PITPNM3: variants seen among roughly 807,000 people sequenced by gnomAD.
The protein encoded by PITPNM3 is PITPNM family member 3, also known as membrane-associated phosphatidylinositol transfer protein 3.
In PITPNM3, 26 loss-of-function variants were observed where a neutral mutation model predicts 102.0. The observed-to-expected ratio is 0.25, with a 90% CI of 0.19 to 0.35. The LOEUF is 0.35. Among genes scored for constraint, PITPNM3 ranks in the 10% least tolerant of loss-of-function variants. The pLI is 1.00. For synonymous variants in PITPNM3, 578 were observed against 558.6 expected (o/e 1.03, Z -0.49); for missense variants, 1,083 against 1,346.1 (o/e 0.80, Z 3.06).
At chr17:6,545,137 C>T (rs1465805266) in intron 1 of PITPNM3, among the ~76,000 whole-genome samples, 2 of 152,166 alleles carry the variant, frequency 1.3e-5, no homozygotes, top group Non-Finnish European at 2.9e-5. Flanking sequence ...GACAGGAAAC[C>T]CTTCTGTGCC....
chr17:6,458,248 A>G lies in PITPNM3; in HGVS notation c.2491-526T>C, dbSNP rs900448637. On this transcript the variant is annotated intron_variant, in intron 18 of 19. Transcript: ENST00000262483. The surrounding 1 kb of genome is among the most constrained non-coding windows in gnomAD (Gnocchi z 5.1). The stretch of plus-strand genomic sequence containing the variant: ...CGTCTTGCTCCAGGGGCACTTCCAG[A>G]CCATCACCCTTCCCTCCCCTCCCCA... Among the ~76,000 whole-genome samples, 1 of 151,544 alleles carries G rather than the reference A, an allele frequency of 6.6e-6. No individual in the cohort carries two copies. The highest frequency in any genetic ancestry group is 2.4e-5 in the African/African-American group (1 of 41,222).
chr17:6,533,750 T>A (rs1909265874), intron 2 of PITPNM3, among the ~76,000 whole-genome samples: 1 of 152,104 alleles, frequency 6.6e-6, no homozygotes, highest in African/African-American at 2.4e-5. Context: ...GCCCAGCCTA[T>A]GGTAATTCTT....
rs370392638 is a variant in PITPNM3 at position 6,478,292 on chromosome 17, C to T, written c.778-195G>A. On this transcript the variant is annotated intron_variant, in intron 7 of 19. Coordinates refer to ENST00000262483, the MANE Select transcript of PITPNM3 (RefSeq NM_031220.4). This position sits in a 1 kb window ranked among gnomAD's most constrained non-coding sequence, Gnocchi z 4.4. ...GCGTTGGCCCAGGCCAGCCCAAGGACGGGGAGTAGGCTACTCTCAGGGGTC... is the reference window on the plus strand; with the variant it reads ...GCGTTGGCCCAGGCCAGCCCAAGGATGGGGAGTAGGCTACTCTCAGGGGTC... Among the ~76,000 whole-genome samples the T allele has an allele frequency of 6.6e-6, 1 of 152,210 alleles. No individual in the cohort carries two copies. The highest frequency in any genetic ancestry group is 1.5e-5 in the Non-Finnish European group (1 of 68,038).
At chr17:6,503,279 G>A (rs1485288710) in intron 4 of PITPNM3, among the ~76,000 whole-genome samples, 1 of 152,170 alleles carries the variant, frequency 6.6e-6, no homozygotes, top group Non-Finnish European at 1.5e-5. Context: ...CCCCAGAGAG[G>A]GGGACATGAG....
intron 4 of PITPNM3, among the ~76,000 whole-genome samples, chr17:6,492,862 A>G (rs1459113749): frequency 6.6e-6 from 1 of 152,100 alleles, no homozygotes; most frequent in South Asian, 2.1e-4. Flanking sequence ...TATCTCAAAA[A>G]ATAAAATAAT....
chr17:6,556,277 A>C lies in PITPNM3; in HGVS notation c.22+108T>G, dbSNP rs1597427705. 2 of 942,788 alleles carry C rather than the reference A, an allele frequency of 2.1e-6. No individual in the cohort carries two copies. The highest frequency in any genetic ancestry group is 2.9e-6 in the Non-Finnish European group (2 of 696,620). 58.4% of individuals were successfully genotyped at this position (942,788 alleles called of 1,614,324 possible). Reference sequence around the variant, plus strand: ...CTACCGCCCCCTACGCCCTCCCGGGACCTCCGCCCACCTGCGCGAGGGGTT... The same window carrying C: ...CTACCGCCCCCTACGCCCTCCCGGGCCCTCCGCCCACCTGCGCGAGGGGTT... On this transcript the variant is annotated intron_variant, in intron 1 of 19. Coordinates refer to ENST00000262483, the MANE Select transcript of PITPNM3 (RefSeq NM_031220.4). This position sits in a 1 kb window ranked among gnomAD's most constrained non-coding sequence, Gnocchi z 5.2.
chr17:6,532,617 C>T (rs991624370), intron 2 of PITPNM3, among the ~76,000 whole-genome samples: 14 of 152,112 alleles, frequency 9.2e-5, no homozygotes, highest in Non-Finnish European at 1.9e-4. Flanking sequence ...TGACTTCTTT[C>T]ACTTGGCATG....
intron 19 of PITPNM3, among the ~76,000 whole-genome samples, chr17:6,456,646 T>G (rs1914129930): frequency 6.6e-6 from 1 of 152,150 alleles, no homozygotes; most frequent in South Asian, 2.1e-4. Flanking sequence ...GCAGGGCCTC[T>G]GAGTTCCCAA....
At chr17:6,511,906 C>T (rs1431894986) in intron 3 of PITPNM3, among the ~76,000 whole-genome samples, 1 of 152,164 alleles carries the variant, frequency 6.6e-6, no homozygotes, top group Non-Finnish European at 1.5e-5. Flanking sequence ...GATCACACCA[C>T]TGCACTCCAG....
chr17:6,523,597 G>A (rs1908661546), intron 3 of PITPNM3, among the ~76,000 whole-genome samples: 1 of 152,222 alleles, frequency 6.6e-6, no homozygotes, highest in Non-Finnish European at 1.5e-5. Flanking sequence ...ATGGGAAGGG[G>A]ATGGCCAAAT....
At chr17:6,549,225 C>T (rs919660260) in intron 1 of PITPNM3, among the ~76,000 whole-genome samples, 2 of 152,042 alleles carry the variant, frequency 1.3e-5, no homozygotes, top group East Asian at 1.9e-4. Flanking sequence ...CCTGGCCACA[C>T]GGACTACACC....
In PITPNM3 at chr17:6,469,094, CCTT is replaced by C. The variant is rs1904928985; in HGVS notation, c.1774-756_1774-754del. Among the ~76,000 whole-genome samples, 1 of 152,176 alleles carries C rather than the reference CCTT, an allele frequency of 6.6e-6. No individual in the cohort carries two copies. The highest frequency in any genetic ancestry group is 6.5e-5 in the Admixed American group (1 of 15,280). Reference sequence around the variant, plus strand: ...CCTCTTCTCTCCTTCAGTGGCTTCTCCTTCTCTCCCTGGGGGAGCTCCAGGACT... The same window carrying C: ...CCTCTTCTCTCCTTCAGTGGCTTCTCCTCTCCCTGGGGGAGCTCCAGGACT... On this transcript the variant is annotated intron_variant, in intron 13 of 19. Coordinates refer to ENST00000262483, the MANE Select transcript of PITPNM3 (RefSeq NM_031220.4). This position sits in a 1 kb window ranked among gnomAD's most constrained non-coding sequence, Gnocchi z 4.0.
chr17:6,470,962 G>T lies in PITPNM3; in HGVS notation c.1624+199C>A, dbSNP rs1379382516. 6.6e-6 allele frequency among the ~76,000 whole-genome samples: 1 copy of T among 152,198 alleles called. No homozygotes were observed. The highest frequency in any genetic ancestry group is 1.5e-5 in the Non-Finnish European group (1 of 68,032). ...GGTCAGAGCTCAGTTTGGGGCCAGAGTGAGGATCTGGACCGATGCCAGGTC... is the reference window on the plus strand; with the variant it reads ...GGTCAGAGCTCAGTTTGGGGCCAGATTGAGGATCTGGACCGATGCCAGGTC... On this transcript the variant is annotated intron_variant, in intron 12 of 19. Coordinates refer to ENST00000262483, the MANE Select transcript of PITPNM3 (RefSeq NM_031220.4). The surrounding 1 kb of genome is among the most constrained non-coding windows in gnomAD (Gnocchi z 4.8).
Position 6,478,158 on chromosome 17 carries a change from C to G in PITPNM3, c.778-61G>C. ...ACTGCTGACCCCTCACCCCCACACC[C>G]GGCCAGAGCAGTGCTGCCTCCCCAC... On this transcript the variant is annotated intron_variant, in intron 7 of 19. Transcript: ENST00000262483. This position sits in a 1 kb window ranked among gnomAD's most constrained non-coding sequence, Gnocchi z 4.4. 1.9e-6 allele frequency: 3 copies of G among 1,606,612 alleles called. No individual in the cohort carries two copies. The highest frequency in any genetic ancestry group is 2.5e-6 in the Non-Finnish European group (3 of 1,179,448).
At chr17:6,545,422 T>G (rs891476944) in intron 1 of PITPNM3, among the ~76,000 whole-genome samples, 5 of 152,112 alleles carry the variant, frequency 3.3e-5, no homozygotes, top group Non-Finnish European at 5.9e-5. Context: ...TGGAAATGCT[T>G]GCCCCTGCCC....
At chr17:6,552,923 C>T (rs937770010) in intron 1 of PITPNM3, among the ~76,000 whole-genome samples, 6 of 152,052 alleles carry the variant, frequency 3.9e-5, no homozygotes, top group South Asian at 4.1e-4. Context: ...CCCACCATCA[C>T]GCCTGGCTAA....
intron 19 of PITPNM3, 103 bp from the exon 20 acceptor site, chr17:6,455,746 GA>G (rs1192783866): frequency 7.1e-5 from 4 of 55,962 alleles, no homozygotes; most frequent in African/African-American, 2.4e-4. Flanking sequence ...AGGGGAGGGA[GA>G]AGAAGGGAAG....
intron 4 of PITPNM3, among the ~76,000 whole-genome samples, chr17:6,494,642 A>C (rs1297882366): frequency 6.6e-6 from 1 of 152,218 alleles, no homozygotes; most frequent in Non-Finnish European, 1.5e-5. Context: ...TCCACCTGTC[A>C]GACTGGCAGT....
At chr17:6,510,838 G>T (rs776358521) in intron 3 of PITPNM3, among the ~76,000 whole-genome samples, 1 of 152,244 alleles carries the variant, frequency 6.6e-6, no homozygotes, top group Non-Finnish European at 1.5e-5. Context: ...CAGAGGCAGC[G>T]CATGGGATTG....
Sources: allele counts gnomAD v4.1 joint callset (sites outside exome capture counted in the v4.1 genomes callset), GRCh38; gene constraint gnomAD v4.1.1; non-coding constraint Gnocchi (gnomAD v3.1); transcripts MANE v1.5; gene names NCBI Gene and HGNC (gene_info 2026-07-23, HGNC 2026-07-21).